Variants in LRRTM3 observed in about 807,000 individuals in gnomAD.
The protein encoded by LRRTM3 is leucine rich repeat transmembrane neuronal 3.
LRRTM3 carries 24 observed loss-of-function variants against 44.7 expected under a neutral mutation model. The ratio of observed to expected loss-of-function variants is 0.54; its 90% confidence interval spans 0.39 to 0.76. The LOEUF (loss-of-function observed/expected upper bound fraction) is 0.76. Ranked by LOEUF, LRRTM3 falls within the 30% of genes least tolerant of loss-of-function variation. The pLI is 0.00. For missense variants in LRRTM3, 587 were observed against 702.2 expected, an observed-to-expected ratio of 0.84 and a Z score of 1.85; for synonymous variants, 277 against 278.7, an observed-to-expected ratio of 0.99 and a Z score of 0.06.
At chr10:67,022,690 C>A (rs192983108) in intron 2 of LRRTM3, among the ~76,000 whole-genome samples, 2 of 152,256 alleles carry the variant, frequency 1.3e-5, no homozygotes, top group East Asian at 3.9e-4. Context: ...TTAATCCCAG[C>A]ATTTTGGGAG....
intron 2 of LRRTM3, among the ~76,000 whole-genome samples, chr10:66,941,620 G>C (rs1181651093): frequency 6.6e-6 from 1 of 152,132 alleles, no homozygotes; most frequent in African/African-American, 2.4e-5. Context: ...ATAAACTGCA[G>C]AACACGATAT....
At chr10:67,036,036 C>T (rs1480566179) in intron 2 of LRRTM3, among the ~76,000 whole-genome samples, 1 of 152,160 alleles carries the variant, frequency 6.6e-6, no homozygotes, top group African/African-American at 2.4e-5. Context: ...AGTATGGCTA[C>T]TGAATTTGCA....
intron 2 of LRRTM3, among the ~76,000 whole-genome samples, chr10:67,014,597 T>C (rs1364590686): frequency 6.6e-6 from 1 of 152,150 alleles, no homozygotes; most frequent in Non-Finnish European, 1.5e-5. Flanking sequence ...TGCCAAAGAC[T>C]TTCTTTAGTA....
chr10:67,074,342 C>CTTT lies in LRRTM3; in HGVS notation c.1537-23221_1537-23219dup, dbSNP rs36186252. On this transcript the variant is annotated intron_variant, in intron 2 of 2. Transcript: ENST00000361320. Reference sequence around the variant, plus strand: ...ACCGTGCCCAGCTGCCACTTTAACTCTTTTTTTTTTTTTTTTTTTTTTTTT... The same window carrying CTTT: ...ACCGTGCCCAGCTGCCACTTTAACTCTTTTTTTTTTTTTTTTTTTTTTTTTTTT... 6.5e-3 allele frequency among the ~76,000 whole-genome samples: 444 copies of CTTT among 68,738 alleles called. 58 individuals are homozygous for CTTT. The highest frequency in any genetic ancestry group is 0.024 in the African/African-American group (349 of 14,476). The allele number at this position is 68,738 out of a possible 152,430, so 45.1% of individuals were successfully genotyped here.
intron 1 of LRRTM3, 28 bp downstream of exon 1, chr10:66,926,615 T>C: frequency 6.2e-6 from 10 of 1,613,416 alleles, no homozygotes; most frequent in Non-Finnish European, 8.5e-6. Context: ...TCTTCTTTCC[T>C]TCTTAAAAAC....
chr10:66,946,827 T>A (rs946935564), intron 2 of LRRTM3, among the ~76,000 whole-genome samples: 8 of 152,140 alleles, frequency 5.3e-5, no homozygotes, highest in African/African-American at 1.7e-4. Context: ...TCTACGTATG[T>A]ACTTGGAAGT....
intron 2 of LRRTM3, among the ~76,000 whole-genome samples, chr10:66,987,709 T>C (rs1850812035): frequency 6.6e-6 from 1 of 152,152 alleles, no homozygotes; most frequent in South Asian, 2.1e-4. Context: ...ACATAGAATA[T>C]AAACATAAGG....
At chr10:66,979,567 C>T (rs1393730251) in intron 2 of LRRTM3, among the ~76,000 whole-genome samples, 1 of 152,118 alleles carries the variant, frequency 6.6e-6, no homozygotes, top group Non-Finnish European at 1.5e-5. Flanking sequence ...TACTTCTGGC[C>T]ATGCGACCTG....
chr10:66,935,715 C>A lies in LRRTM3; in HGVS notation c.1536+7263C>A, dbSNP rs1242673986. 2.7e-5 allele frequency among the ~76,000 whole-genome samples: 4 copies of A among 150,898 alleles called. No individual in the cohort carries two copies. The South Asian group carries it at 8.3e-4, about 31-fold the overall frequency. Reference sequence around the variant, plus strand: ...GGTATAATTGAGTCCTTATTATGTACCAGGAATTTGTATATATTATCTAAT... The same window carrying A: ...GGTATAATTGAGTCCTTATTATGTAACAGGAATTTGTATATATTATCTAAT... On this transcript the variant is annotated intron_variant, in intron 2 of 2. Transcript: ENST00000361320.
chr10:67,093,070 G>T (rs947824205), intron 2 of LRRTM3, among the ~76,000 whole-genome samples: 1 of 152,094 alleles, frequency 6.6e-6, no homozygotes, highest in African/African-American at 2.4e-5. Flanking sequence ...AGGATTAAAA[G>T]AAACCAGAAG....
chr10:66,973,285 T>C (rs1244887290), intron 2 of LRRTM3, among the ~76,000 whole-genome samples: 4 of 152,246 alleles, frequency 2.6e-5, no homozygotes, highest in South Asian at 2.1e-4. Flanking sequence ...AAAAAGAAAA[T>C]TGACAATTAG....
At chr10:66,990,062 C>T (rs1385210819) in intron 2 of LRRTM3, among the ~76,000 whole-genome samples, 2 of 152,168 alleles carry the variant, frequency 1.3e-5, no homozygotes, top group Non-Finnish European at 2.9e-5. Flanking sequence ...AGAAGCTCAT[C>T]TCACTATGAG....
rs897605590 is a variant in LRRTM3 at position 66,928,105 on chromosome 10, C to A, written c.1189C>A (p.Pro397Thr). The A allele has an allele frequency of 5.0e-6, 8 of 1,614,094 alleles. No homozygotes were observed. Among genetic ancestry groups the A allele is most frequent in the East Asian group, 4.5e-5 (2 of 44,864 alleles). ...GCATGAGAGCAAACCCCCTTTGCCC[C>A]CGACGGTGGGAGCCACAGAGCCCGG... The part of the protein sequence containing the change: ...PKHESKPPLP[P>T]TVGATEPGPE... The change falls in exon 2 of 3, where the codon CCG becomes ACG. Residue 397 changes from proline to threonine, a missense_variant. Pro to Thr is a conservative substitution (Grantham distance 38, BLOSUM62 -1). Coordinates refer to ENST00000361320, the MANE Select transcript of LRRTM3 (RefSeq NM_178011.5).
intron 2 of LRRTM3, among the ~76,000 whole-genome samples, chr10:67,058,797 A>C (rs1217107250): frequency 6.6e-6 from 1 of 152,160 alleles, no homozygotes; most frequent in Non-Finnish European, 1.5e-5. Context: ...GAGCATCTAC[A>C]AACCAGAAAA....
intron 2 of LRRTM3, among the ~76,000 whole-genome samples, chr10:67,074,452 G>C (rs1175702466): frequency 2.2e-5 from 3 of 136,908 alleles, no homozygotes; most frequent in Non-Finnish European, 4.5e-5. Context: ...CCGGGTTCAC[G>C]CCATTCTCCT....
intron 2 of LRRTM3, among the ~76,000 whole-genome samples, chr10:66,970,771 GC>G (rs1849675559): frequency 6.6e-6 from 1 of 151,980 alleles, no homozygotes; most frequent in Non-Finnish European, 1.5e-5. Context: ...ACAAATGATT[GC>G]CCAAGTGATA....
At chr10:67,059,398 T>A (rs778194689) in intron 2 of LRRTM3, among the ~76,000 whole-genome samples, 1 of 152,094 alleles carries the variant, frequency 6.6e-6, no homozygotes, top group African/African-American at 2.4e-5. Flanking sequence ...AAATAAAGAA[T>A]TGAAAACAAT....
intron 2 of LRRTM3, among the ~76,000 whole-genome samples, chr10:67,066,697 T>G (rs773709373): frequency 6.6e-6 from 1 of 152,194 alleles, no homozygotes; most frequent in Non-Finnish European, 1.5e-5. Context: ...ACAAATATTA[T>G]CCCTCTTCCT....
At chr10:66,959,048 C>T (rs1344557306) in intron 2 of LRRTM3, among the ~76,000 whole-genome samples, 3 of 152,086 alleles carry the variant, frequency 2.0e-5, no homozygotes, top group African/African-American at 7.2e-5. Flanking sequence ...CCCCATTGCA[C>T]AGGTCCTGCC....
Sources: allele counts gnomAD v4.1 joint callset (sites outside exome capture counted in the v4.1 genomes callset), GRCh38; gene constraint gnomAD v4.1.1; transcripts MANE v1.5; gene names NCBI Gene and HGNC (gene_info 2026-07-23, HGNC 2026-07-21).